ABCB1: variants seen among roughly 807,000 people sequenced by gnomAD.
ABCB1 encodes the protein ATP-dependent translocase ABCB1.
A neutral mutation model predicts 142.0 loss-of-function variants in ABCB1; 69 were observed. The observed-to-expected ratio is 0.49, with a 90% CI of 0.40 to 0.59. The LOEUF is 0.59. Ranked by LOEUF, ABCB1 falls within the 20% of genes least tolerant of loss-of-function variation. ABCB1 has a pLI of 0.00. For synonymous variants in ABCB1, 532 were observed against 539.2 expected, an observed-to-expected ratio of 0.99 and a Z score of 0.18; for missense variants, 1,326 against 1,554.7, an observed-to-expected ratio of 0.85 and a Z score of 2.47.
chr7:87,521,386 T>TGTGGACGCTTACCCCTTTCTGCCC, intron 21 of ABCB1: 1 of 611,024 alleles, frequency 1.6e-6, no homozygotes, highest in Non-Finnish European at 2.9e-6. Flanking sequence ...CCTCTCTGCC[T>TGTGGACGCTTACCCCTTTCTGCCC]GTGGACGCTT....
intron 14 of ABCB1, among the ~76,000 whole-genome samples, chr7:87,546,639 C>T (rs1816796713): frequency 6.6e-6 from 1 of 151,998 alleles, no homozygotes; most frequent in South Asian, 2.1e-4. Flanking sequence ...AGGCGTTGGC[C>T]AATCAAAACA....
At chr7:87,695,532 T>G (rs1448112724) in intron 1 of ABCB1, among the ~76,000 whole-genome samples, 1 of 152,088 alleles carries the variant, frequency 6.6e-6, no homozygotes, top group Admixed American at 6.5e-5. Context: ...ATCTTGTCTT[T>G]TGTTGATTGT....
intron 1 of ABCB1, among the ~76,000 whole-genome samples, chr7:87,651,471 T>G (rs552253729): frequency 3.2e-4 from 49 of 152,234 alleles, no homozygotes; most frequent in African/African-American, 1.1e-3. Context: ...AATTTTAGAT[T>G]CTTTAAATTA....
intron 1 of ABCB1, among the ~76,000 whole-genome samples, chr7:87,689,153 C>A (rs1420179130): frequency 6.6e-6 from 1 of 151,862 alleles, no homozygotes; most frequent in African/African-American, 2.4e-5. Flanking sequence ...TAAATAAATT[C>A]TATTATTGAT....
intron 1 of ABCB1, among the ~76,000 whole-genome samples, chr7:87,682,365 G>A (rs1406260552): frequency 3.3e-5 from 5 of 152,080 alleles, no homozygotes; most frequent in African/African-American, 4.8e-5. Context: ...TGTTCTTGAC[G>A]AATCTTTTCC....
intron 1 of ABCB1, among the ~76,000 whole-genome samples, chr7:87,675,653 C>CAAAAAAAAAAAAAAAAAAAAA (rs200136132): frequency 3.0e-5 from 2 of 65,840 alleles, no homozygotes; most frequent in Middle Eastern, 7.7e-3. Flanking sequence ...TATTCACATG[C>CAAAAAAAAAAAAAAAAAAAAA]AAAAAAAAAA....
intron 3 of ABCB1, among the ~76,000 whole-genome samples, chr7:87,587,948 TTAAAAAAGAC>T (rs1818833814): frequency 1.8e-5 from 1 of 54,600 alleles, no homozygotes; most frequent in African/African-American, 3.5e-5. Context: ...CACAATGTGC[TTAAAAAAGAC>T]TGGGGACCCT....
At chr7:87,697,499 G>T (rs1418217640) in intron 1 of ABCB1, among the ~76,000 whole-genome samples, 1 of 152,200 alleles carries the variant, frequency 6.6e-6, no homozygotes, top group African/African-American at 2.4e-5. Flanking sequence ...AATGGTTGAT[G>T]ATGGGAGTAA....
intron 1 of ABCB1, among the ~76,000 whole-genome samples, chr7:87,684,656 G>A (rs1181722198): frequency 1.3e-5 from 2 of 149,134 alleles, no homozygotes; most frequent in Non-Finnish European, 3.0e-5. Flanking sequence ...GCTGAGGCAG[G>A]AGGATTGCTT....
At chr7:87,507,015 A>G (rs1279715923) in intron 26 of ABCB1, among the ~76,000 whole-genome samples, 1 of 152,176 alleles carries the variant, frequency 6.6e-6, no homozygotes, top group East Asian at 1.9e-4. Context: ...CACTCTTGAT[A>G]TAGTACTGAT....
intron 1 of ABCB1, among the ~76,000 whole-genome samples, chr7:87,667,324 G>T (rs1045702296): frequency 2.0e-5 from 3 of 151,744 alleles, no homozygotes; most frequent in African/African-American, 4.8e-5. Context: ...AGTGATTTTT[G>T]TACATTGATT....
At chr7:87,673,141 T>G (rs1444890847) in intron 1 of ABCB1, among the ~76,000 whole-genome samples, 1 of 152,188 alleles carries the variant, frequency 6.6e-6, no homozygotes, top group Non-Finnish European at 1.5e-5. Context: ...TTTTGCTGCC[T>G]TTAACATTTT....
At chr7:87,560,071 A>T (rs1241727255) in intron 8 of ABCB1, among the ~76,000 whole-genome samples, 1 of 152,104 alleles carries the variant, frequency 6.6e-6, no homozygotes, top group African/African-American at 2.4e-5. Flanking sequence ...CAACTGGTGT[A>T]TTACCTATTT....
chr7:87,668,601 A>T (rs1261237649), intron 1 of ABCB1, among the ~76,000 whole-genome samples: 2 of 151,152 alleles, frequency 1.3e-5, no homozygotes, highest in Non-Finnish European at 3.0e-5. Flanking sequence ...TAACTTTTTG[A>T]TGTGGGCATT....
intron 1 of ABCB1, among the ~76,000 whole-genome samples, chr7:87,673,431 T>G (rs1826025491): frequency 6.6e-6 from 1 of 152,234 alleles, no homozygotes; most frequent in African/African-American, 2.4e-5. Context: ...TATTCTTTTT[T>G]CTTTTTCTGA....
chr7:87,526,278 C>T (rs901302836), intron 21 of ABCB1, among the ~76,000 whole-genome samples: 8 of 151,502 alleles, frequency 5.3e-5, no homozygotes, highest in Non-Finnish European at 1.0e-4. Flanking sequence ...AGAAATTTAT[C>T]GTTTTAGGAT....
chr7:87,567,171 A>C (rs1817818334), intron 5 of ABCB1, among the ~76,000 whole-genome samples, 195 bp from the exon 6 acceptor site: 1 of 152,250 alleles, frequency 6.6e-6, no homozygotes, highest in Non-Finnish European at 1.5e-5. Context: ...AATGGTTAAG[A>C]ATGATTTCTG....
chr7:87,508,621 A>C (rs529153426), intron 26 of ABCB1, among the ~76,000 whole-genome samples: 1 of 152,304 alleles, frequency 6.6e-6, no homozygotes, highest in Non-Finnish European at 1.5e-5. Context: ...GATTTCAACC[A>C]TTCACTGTAA....
At chr7:87,607,583 G>T (rs1013266975) in intron 1 of ABCB1, among the ~76,000 whole-genome samples, 1 of 150,776 alleles carries the variant, frequency 6.6e-6, no homozygotes, top group African/African-American at 2.4e-5. Context: ...ACAGGGTCTT[G>T]CTCTGTCACC....
Sources: allele counts gnomAD v4.1 joint callset (sites outside exome capture counted in the v4.1 genomes callset), GRCh38; gene constraint gnomAD v4.1.1; transcripts MANE v1.5; gene names NCBI Gene and HGNC (gene_info 2026-07-23, HGNC 2026-07-21).